The following PLCG2 variants were observed in gnomAD, a reference collection of about 807,000 sequenced individuals.
PLCG2 encodes the protein 1-phosphatidylinositol 4,5-bisphosphate phosphodiesterase gamma-2.
PLCG2 carries 69 observed loss-of-function variants against 175.6 expected under a neutral mutation model. That is an observed-to-expected ratio of 0.39 (90% CI 0.32 to 0.48). The LOEUF is 0.48. Ranked by LOEUF, PLCG2 falls within the 20% of genes least tolerant of loss-of-function variation. The pLI is 0.91. For synonymous variants in PLCG2, 827 were observed against 624.0 expected (o/e 1.33, Z -4.85); for missense variants, 1,798 against 1,650.9 (o/e 1.09, Z -1.54).
chr16:81,814,723 A>G (rs1904463150), intron 2 of PLCG2, among the ~76,000 whole-genome samples: 1 of 151,456 alleles, frequency 6.6e-6, no homozygotes. Context: ...ACCCTGGGGG[A>G]CATGAAGCAC....
At chr16:81,810,959 G>A (rs1310985143) in intron 2 of PLCG2, among the ~76,000 whole-genome samples, 5 of 152,212 alleles carry the variant, frequency 3.3e-5, no homozygotes, top group Non-Finnish European at 1.5e-5. Context: ...CACCTGAGAA[G>A]CAGCCCAGGG....
chr16:81,818,883 A>ATTTTTTTTTTTTTTT (rs57346304), intron 2 of PLCG2, among the ~76,000 whole-genome samples: 24 of 106,610 alleles, frequency 2.3e-4, no homozygotes, highest in African/African-American at 8.8e-4. Flanking sequence ...GGGCTCATGG[A>ATTTTTTTTTTTTTTT]TTTTTTTTTT....
Position 81,865,715 on chromosome 16 carries a change from G to A in PLCG2, c.480-3499G>A, listed in dbSNP as rs1175806457. On this transcript the variant is annotated intron_variant, in intron 5 of 32. Transcript: ENST00000564138. ...GGGGCACCAGCATGAGAGGACGCTG[G>A]CCTCTCCCTTGCTCCCAGGATGAGC... Among the ~76,000 whole-genome samples the A allele has an allele frequency of 2.0e-5, 3 of 151,016 alleles. No homozygotes were observed. In the South Asian group the frequency reaches 6.3e-4, roughly 32 times the overall value.
chr16:81,781,430 T>G (rs1195516993), intron 1 of PLCG2, among the ~76,000 whole-genome samples: 1 of 152,150 alleles, frequency 6.6e-6, no homozygotes, highest in Non-Finnish European at 1.5e-5. Context: ...TTTCTTTTTT[T>G]GTATTTCTAT....
chr16:81,831,660 C>T (rs912551619), intron 2 of PLCG2, among the ~76,000 whole-genome samples: 1 of 152,152 alleles, frequency 6.6e-6, no homozygotes, highest in Non-Finnish European at 1.5e-5. Context: ...GGCATTTGTA[C>T]CCCGAGTGGG....
chr16:81,851,126 A>AC (rs1475406924), intron 2 of PLCG2, among the ~76,000 whole-genome samples: 3 of 151,866 alleles, frequency 2.0e-5, no homozygotes, highest in East Asian at 3.9e-4. Context: ...TAGAGATACC[A>AC]CCCCCCTAAT....
At chr16:81,923,194 C>T (rs1424353615) in intron 21 of PLCG2, among the ~76,000 whole-genome samples, 1 of 151,834 alleles carries the variant, frequency 6.6e-6, no homozygotes, top group African/African-American at 2.4e-5. Flanking sequence ...AAGCCTAACC[C>T]TAACCCCAGC....
At chr16:81,926,835 T>A (rs1171216021) in intron 22 of PLCG2, among the ~76,000 whole-genome samples, 1 of 152,250 alleles carries the variant, frequency 6.6e-6, no homozygotes, top group African/African-American at 2.4e-5. Context: ...ACTTGTGATC[T>A]TTGATTAAAC....
At chr16:81,874,766 C>T (rs7200783) in intron 7 of PLCG2, among the ~76,000 whole-genome samples, 1 of 151,910 alleles carries the variant, frequency 6.6e-6, no homozygotes, top group Non-Finnish European at 1.5e-5. Context: ...CTACGTTCCA[C>T]CTCTCGAGCT....
intron 9 of PLCG2, among the ~76,000 whole-genome samples, chr16:81,885,190 A>G (rs1321955837): frequency 1.3e-5 from 2 of 151,824 alleles, no homozygotes; most frequent in East Asian, 1.9e-4. Flanking sequence ...CAACACCTGT[A>G]TTTTTGTATT....
At chr16:81,827,792 A>G (rs1905103477) in intron 2 of PLCG2, among the ~76,000 whole-genome samples, 1 of 151,994 alleles carries the variant, frequency 6.6e-6, no homozygotes. Flanking sequence ...TCCTCATTTA[A>G]AAAAAAGCGT....
chr16:81,928,821 C>G (rs1019523172), intron 24 of PLCG2, 197 bp downstream of exon 24: 2 of 505,548 alleles, frequency 4.0e-6, no homozygotes, highest in African/African-American at 1.9e-5. Flanking sequence ...TCTACTAAAA[C>G]TGTAAGTGCT....
At chr16:81,783,861 C>G (rs549947183) in intron 1 of PLCG2, among the ~76,000 whole-genome samples, 131 of 152,248 alleles carry the variant, frequency 8.6e-4, no homozygotes, top group African/African-American at 3.1e-3. Context: ...TGTTCTGCCT[C>G]CTAGCCTTTG....
chr16:81,893,337 T>C (rs1326781521), intron 11 of PLCG2, among the ~76,000 whole-genome samples: 2 of 152,234 alleles, frequency 1.3e-5, no homozygotes, highest in Non-Finnish European at 2.9e-5. Context: ...GAAGTGCCCA[T>C]CTTTGTTTAG....
Position 81,931,046 on chromosome 16 carries a change from C to G in PLCG2, c.2582-451C>G, listed in dbSNP as rs147186059. On this transcript the variant is annotated intron_variant, in intron 24 of 32. Coordinates refer to ENST00000564138, the MANE Select transcript of PLCG2 (RefSeq NM_002661.5). Reference sequence around the variant, plus strand: ...TCTTTTGATCAAGACGAACACATGTCTATAACTAAAGTGGACAAGAGGGTA... The same window carrying G: ...TCTTTTGATCAAGACGAACACATGTGTATAACTAAAGTGGACAAGAGGGTA... 5.2e-4 allele frequency among the ~76,000 whole-genome samples: 79 copies of G among 152,208 alleles called. 1 individual carries two copies. The highest frequency in any genetic ancestry group is 2.3e-3 in the East Asian group (12 of 5,188).
At chr16:81,754,255 C>T (rs1281437980) in intron 1 of PLCG2, among the ~76,000 whole-genome samples, 2 of 147,446 alleles carry the variant, frequency 1.4e-5, no homozygotes, top group African/African-American at 5.0e-5. Context: ...CCACCTCCTT[C>T]CCTTCCCTCC....
At chr16:81,950,593 C>T (rs1911327817) in intron 31 of PLCG2, among the ~76,000 whole-genome samples, 1 of 152,140 alleles carries the variant, frequency 6.6e-6, no homozygotes, top group African/African-American at 2.4e-5. Context: ...CTGTCTCAAA[C>T]TTCATAAATT....
chr16:81,854,073 A>G (rs1330351976), intron 2 of PLCG2, among the ~76,000 whole-genome samples: 1 of 150,794 alleles, frequency 6.6e-6, no homozygotes, highest in African/African-American at 2.4e-5. Flanking sequence ...AGTGATCTCT[A>G]GTGAGCATCA....
intron 9 of PLCG2, 106 bp downstream of exon 9, chr16:81,883,447 T>C (rs1353245053): frequency 4.8e-6 from 4 of 837,064 alleles, no homozygotes; most frequent in African/African-American, 1.7e-5. Flanking sequence ...TGTGCTCACC[T>C]GGCCACCTGT....
Sources: gnomAD v4.1 joint callset for allele counts (sites outside exome capture counted in the v4.1 genomes callset) on GRCh38, gnomAD v4.1.1 for gene constraint, MANE v1.5 for transcripts, NCBI Gene and HGNC (gene_info 2026-07-23, HGNC 2026-07-21) for gene names.